Variants in LIMS1 observed in about 807,000 individuals in gnomAD.
LIMS1 encodes the protein LIM and senescent cell antigen-like-containing domain protein 1.
In LIMS1, 18 loss-of-function variants were observed where a neutral mutation model predicts 44.1. The ratio of observed to expected loss-of-function variants is 0.41; its 90% confidence interval spans 0.28 to 0.61. The LOEUF (loss-of-function observed/expected upper bound fraction) is 0.61, where lower values mean the gene tolerates loss of function less well. Ranked by LOEUF, LIMS1 falls within the 20% of genes least tolerant of loss-of-function variation. LIMS1 has a pLI of 0.32. For missense variants in LIMS1, 201 were observed against 422.0 expected, an observed-to-expected ratio of 0.48 and a Z score of 4.59; for synonymous variants, 93 against 149.1, an observed-to-expected ratio of 0.62 and a Z score of 2.74.
At chr2:108,607,595 G>A (rs1327381941) in intron 1 of LIMS1, among the ~76,000 whole-genome samples, 1 of 151,976 alleles carries the variant, frequency 6.6e-6, no homozygotes, top group African/African-American at 2.4e-5. Context: ...TTTACTTCTG[G>A]GTCTTAAAGT....
At chr2:108,585,173 G>C (rs990921964) in intron 1 of LIMS1, among the ~76,000 whole-genome samples, 8 of 145,448 alleles carry the variant, frequency 5.5e-5, no homozygotes, top group Non-Finnish European at 1.2e-4. Flanking sequence ...AAAAAAAAAG[G>C]CGGGGCCAGG....
intron 2 of LIMS1, among the ~76,000 whole-genome samples, chr2:108,665,003 A>G (rs1275023654): frequency 6.6e-6 from 1 of 152,222 alleles, no homozygotes; most frequent in Non-Finnish European, 1.5e-5. Context: ...GCTCCAGGAT[A>G]CCCATCAAAA....
chr2:108,599,940 G>A, intron 1 of LIMS1, among the ~76,000 whole-genome samples: 2 of 151,438 alleles, frequency 1.3e-5, no homozygotes, highest in Non-Finnish European at 2.9e-5. Context: ...TTAACCCCTT[G>A]TCAGATGGTT....
At chr2:108,592,001 G>GC (rs1178431448) in intron 1 of LIMS1, among the ~76,000 whole-genome samples, 1 of 151,862 alleles carries the variant, frequency 6.6e-6, no homozygotes, top group Non-Finnish European at 1.5e-5. Flanking sequence ...CACCATATTG[G>GC]CCAGGCTGGT....
rs906778429 is a variant in LIMS1, at chr2:108,681,279, T to G, written c.899+509T>G. ...TTGAAATACAAGTATTTGTCCTATG[T>G]AGAACTGGTCCTTTTGCATAACTGC... On this transcript the variant is annotated intron_variant, in intron 9 of 9. Transcript: ENST00000544547. 6 of 985,250 alleles carry G rather than the reference T, an allele frequency of 6.1e-6. No homozygotes were observed. In the African/African-American group the frequency reaches 1.0e-4, roughly 17 times the overall value. The allele number at this position is 985,250 out of a possible 1,614,324, so 61.0% of individuals were successfully genotyped here.
chr2:108,576,284 T>TGTTTC (rs972341571), intron 1 of LIMS1, among the ~76,000 whole-genome samples: 1 of 151,872 alleles, frequency 6.6e-6, no homozygotes, highest in African/African-American at 2.4e-5. Flanking sequence ...TGTTTTGTTT[T>TGTTTC]GTTTTGTTGA....
intron 1 of LIMS1, among the ~76,000 whole-genome samples, chr2:108,564,112 CACAGCCACCCCAGGCTTCA>C (rs1241138561): frequency 6.6e-6 from 1 of 151,706 alleles, no homozygotes; most frequent in East Asian, 1.9e-4. Context: ...CTTCAATTGC[CACAGCCACCCCAGGCTTCA>C]GCAGCCACCA....
intron 9 of LIMS1, 94 bp from the exon 10 acceptor site, chr2:108,683,791 C>A: frequency 1.8e-6 from 1 of 549,198 alleles, no homozygotes; most frequent in Middle Eastern, 5.0e-4. Flanking sequence ...TAGTTGCCTT[C>A]GTTTAGTTCA....
At chr2:108,546,117 A>G (rs949067560) in intron 1 of LIMS1, among the ~76,000 whole-genome samples, 1 of 152,174 alleles carries the variant, frequency 6.6e-6, no homozygotes, top group African/African-American at 2.4e-5. Flanking sequence ...AATACTGGTT[A>G]TAGAATCTGT....
At chr2:108,619,360 C>CT (rs747176925) in intron 1 of LIMS1, among the ~76,000 whole-genome samples, 3,149 of 134,652 alleles carry the variant, frequency 0.023, 41 homozygotes, top group Middle Eastern at 0.039. Context: ...TGTTTCTGTT[C>CT]TTTTTTTTTT....
intron 1 of LIMS1, among the ~76,000 whole-genome samples, chr2:108,598,608 G>T (rs1321898693): frequency 1.3e-5 from 2 of 152,186 alleles, no homozygotes; most frequent in African/African-American, 4.8e-5. Context: ...GAGAACGGAC[G>T]GAGTGTGGGA....
At chr2:108,641,919 C>A (rs926708590) in intron 1 of LIMS1, among the ~76,000 whole-genome samples, 1 of 152,152 alleles carries the variant, frequency 6.6e-6, no homozygotes, top group Admixed American at 6.6e-5. Flanking sequence ...TCTTTACTTG[C>A]ATGTCATGAT....
In LIMS1 at chr2:108,675,869, C is replaced by T. The variant is rs1364455540; in HGVS notation, c.531-9C>T. ...TTAGTATTAAGCTGTGTGTCTTTCT[C>T]ACGGACAGGAAGGAGCTGACTGCCG... On this transcript the variant is annotated splice_polypyrimidine_tract_variant and intron_variant, in intron 5 of 9. Coordinates refer to ENST00000544547, the Ensembl canonical transcript of LIMS1. The T allele has an allele frequency of 2.5e-6, 4 of 1,613,840 alleles. No homozygotes were observed. The South Asian group carries it at 4.4e-5, about 18-fold the overall frequency.
At chr2:108,594,190 G>A (rs1253056270) in intron 1 of LIMS1, among the ~76,000 whole-genome samples, 1 of 152,120 alleles carries the variant, frequency 6.6e-6, no homozygotes, top group Non-Finnish European at 1.5e-5. Context: ...GTGGGGAAGG[G>A]GTAGCTTTTG....
chr2:108,575,513 C>T (rs567900368), intron 1 of LIMS1, among the ~76,000 whole-genome samples: 1 of 152,260 alleles, frequency 6.6e-6, no homozygotes, highest in African/African-American at 2.4e-5. Context: ...CATCAGAGAA[C>T]ATTCTTCTTG....
At chr2:108,574,566 G>T (rs1377147090) in intron 1 of LIMS1, among the ~76,000 whole-genome samples, 1 of 152,204 alleles carries the variant, frequency 6.6e-6, no homozygotes, top group Non-Finnish European at 1.5e-5. Context: ...AATTGGGTTA[G>T]AGAGGAGGAG....
chr2:108,581,428 CT>C (rs1265116975), intron 1 of LIMS1, among the ~76,000 whole-genome samples: 1 of 152,172 alleles, frequency 6.6e-6, no homozygotes, highest in Non-Finnish European at 1.5e-5. Flanking sequence ...TTGTCTCTGA[CT>C]TTTTGTCATT....
exon 10 of LIMS1, chr2:108,684,717 ATACTTTACAATATTGGAAAATG>A (rs1203609603): frequency 2.6e-5 from 4 of 152,128 alleles, no homozygotes; most frequent in Non-Finnish European, 1.5e-5. Flanking sequence ...ATTTGGAAAT[ATACTTTACAATATTGGAAAATG>A]AAGTATTTTT....
chr2:108,611,031 G>T (rs1015533737), intron 1 of LIMS1, among the ~76,000 whole-genome samples: 1 of 152,092 alleles, frequency 6.6e-6, no homozygotes, highest in Admixed American at 6.6e-5. Flanking sequence ...TTTAGCCGTG[G>T]TTGAATTTTT....
Sources: allele counts gnomAD v4.1 joint callset (sites outside exome capture counted in the v4.1 genomes callset), GRCh38; gene constraint gnomAD v4.1.1; transcripts MANE v1.5; gene names NCBI Gene and HGNC (gene_info 2026-07-23, HGNC 2026-07-21).